The following KRT5 variants were observed in gnomAD, a reference collection of about 807,000 sequenced individuals.
KRT5 encodes keratin 5.
Under a neutral mutation model 44.0 loss-of-function variants are expected in KRT5, and 17 were observed. The observed-to-expected ratio is 0.39, with a 90% confidence interval of 0.26 to 0.58. The LOEUF (loss-of-function observed/expected upper bound fraction) is 0.58, where lower values mean the gene tolerates loss of function less well. KRT5 is among the 20% of genes least tolerant of loss of function. The pLI is 0.61. For synonymous variants in KRT5, 329 were observed against 312.8 expected (o/e 1.05, Z -0.55); for missense variants, 737 against 785.5 (o/e 0.94, Z 0.74).
rs1312895916 is a variant in KRT5 at position 52,516,805 on chromosome 12, G to A, written c.1271C>T (p.Ala424Val). ...IADAEQRGEL[A>V]LKDARNKLAE... Reference sequence around the variant, plus strand: ...CAGCTTGTTCCTGGCATCCTTGAGGGCCAGCTCCCCACGCTGCTCGGCATC... The same window carrying A: ...CAGCTTGTTCCTGGCATCCTTGAGGACCAGCTCCCCACGCTGCTCGGCATC... The change falls in exon 7 of 9, where the codon GCC (alanine) becomes GTC (valine). Residue 424 changes from alanine to valine, a missense_variant. By Grantham distance (64) the Ala-to-Val change is moderately conservative (BLOSUM62 0). Around this residue, in one of 5 missense-constraint regions of KRT5, gnomAD observed 344 missense variants for 351.6 expected, o/e 0.98. Transcript: ENST00000252242. 1.2e-6 allele frequency: 2 copies of A among 1,614,048 alleles called. No homozygotes were observed. Among genetic ancestry groups the A allele is most frequent in the Admixed American group, 1.7e-5 (1 of 59,998 alleles).
At position 52,518,131 on chromosome 12, in the gene KRT5, G is replaced by A; in HGVS notation, c.803C>T (p.Ala268Val). The A allele has an allele frequency of 6.2e-7, 1 of 1,614,220 alleles. No individual in the cohort carries two copies. Among genetic ancestry groups the A allele is most frequent in the South Asian group, 1.1e-5 (1 of 91,090 alleles). The change falls in exon 3 of 9, where the codon GCT becomes GTT. Residue 268 changes from alanine to valine, a missense_variant. Around this residue, in one of 5 missense-constraint regions of KRT5, gnomAD observed 59 missense variants for 62.5 expected, o/e 0.94. Coordinates refer to ENST00000252242, the MANE Select transcript of KRT5 (RefSeq NM_000424.4). The stretch of plus-strand genomic sequence containing the variant: ...CTTCAGCATCACAAACTCATTCTCA[G>A]CAGTGGTACGCTTGTTGATTTCATC... Reference protein sequence around the residue: ...YEDEINKRTTAENEFVMLKKD... With the variant: ...YEDEINKRTTVENEFVMLKKD...
chr12:52,516,289 G>A, intron 7 of KRT5: 1 of 397,128 alleles, frequency 2.5e-6, no homozygotes, highest in South Asian at 2.4e-5. Context: ...CCTTCCTGAA[G>A]GAAGGGGTAC....
At chr12:52,518,458 C>A in intron 2 of KRT5, 1 of 608,916 alleles carries the variant, frequency 1.6e-6, no homozygotes, top group Non-Finnish European at 3.1e-6. Context: ...ATTACCTAGT[C>A]AATTTCTCTA....
chr12:52,515,759 T>C (rs780075629), intron 8 of KRT5, 39 bp downstream of exon 8: 1 of 1,534,996 alleles, frequency 6.5e-7, no homozygotes, highest in South Asian at 1.1e-5. Flanking sequence ...ATATATCCCA[T>C]ATTATTGTCG....
chr12:52,520,093 C>G lies in KRT5; in HGVS notation c.204G>C (p.Leu68=). 6.2e-7 allele frequency: 1 copy of G among 1,614,116 alleles called. No homozygotes were observed. Residue 68 remains leucine (L), a synonymous_variant, in exon 1 of 9, where the codon CTG becomes CTC. Coordinates refer to ENST00000252242, the MANE Select transcript of KRT5 (RefSeq NM_000424.4). ...GGYGSRSLYN[L]GGSKRISIST... ...TGATGGATATCCTCTTGGAGCCCCCCAGGTTGTAGAGGCTCCGGCTGCCAT... is the reference window on the plus strand; with the variant it reads ...TGATGGATATCCTCTTGGAGCCCCCGAGGTTGTAGAGGCTCCGGCTGCCAT...
At chr12:52,517,823 CT>C in intron 4 of KRT5, 69 bp from the exon 5 acceptor site, 1 of 1,610,270 alleles carries the variant, frequency 6.2e-7, no homozygotes, top group Non-Finnish European at 8.5e-7. Flanking sequence ...CCATTCAAAT[CT>C]TTCACTCATT....
At chr12:52,516,295 G>A in intron 7 of KRT5, 4 of 402,488 alleles carry the variant, frequency 9.9e-6, no homozygotes, top group South Asian at 9.2e-5. Context: ...TGAAGGAAGG[G>A]GTACTGGAGG....
rs959019519 is a variant in KRT5, at chr12:52,517,014, G to T, written c.1218+93C>A. Reference sequence around the variant, plus strand: ...AAACACTGGTACTGGATCTAGCTGCGTGTGTTTAGCAAAAGTAAAACAAAA... The same window carrying T: ...AAACACTGGTACTGGATCTAGCTGCTTGTGTTTAGCAAAAGTAAAACAAAA... On this transcript the variant is annotated intron_variant, in intron 6 of 8. Transcript: ENST00000252242. 14 of 1,531,084 alleles carry T rather than the reference G, an allele frequency of 9.1e-6. 1 individual carries two copies. Among genetic ancestry groups the T allele is most frequent in the Non-Finnish European group, 1.3e-5 (14 of 1,106,362 alleles). 94.8% of individuals were successfully genotyped at this position (1,531,084 alleles called of 1,614,324 possible). A position where few individuals can be genotyped will look rare whatever the true frequency, so the allele number is the denominator to read the frequency against.
Position 52,520,393 on chromosome 12 carries a change from T to C in KRT5, c.-97A>G. On this transcript the variant is annotated 5_prime_UTR_variant, in exon 1 of 9. Coordinates refer to ENST00000252242, the MANE Select transcript of KRT5 (RefSeq NM_000424.4). ...CAGCAGGACGCAGAAGGTGGCTCTG[T>C]TACCCAGGAACGGTGATGCCCCCTT... is the stretch of plus-strand genomic sequence containing the variant. 8.4e-7 allele frequency: 1 copy of C among 1,183,442 alleles called. No individual in the cohort carries two copies. Among genetic ancestry groups the C allele is most frequent in the East Asian group, 2.5e-5 (1 of 40,536 alleles). 73.3% of individuals were successfully genotyped at this position (1,183,442 alleles called of 1,614,324 possible).
At chr12:52,516,942 C>T in intron 6 of KRT5, 85 bp from the exon 7 acceptor site, 1 of 1,551,744 alleles carries the variant, frequency 6.4e-7, no homozygotes, top group Admixed American at 1.7e-5. Context: ...ACCAAACTAT[C>T]ATGAATCCCA....
At position 52,520,360 on chromosome 12, in the gene KRT5, A is replaced by G; in HGVS notation, c.-64T>C. On this transcript the variant is annotated 5_prime_UTR_variant, in exon 1 of 9. Transcript: ENST00000252242. ...AGTGGGTTGGGAGGTGCTGGAGAGAACAGAGCTCAGCAGGACGCAGAAGGT... is the reference window on the plus strand; with the variant it reads ...AGTGGGTTGGGAGGTGCTGGAGAGAGCAGAGCTCAGCAGGACGCAGAAGGT... 3 of 1,503,260 alleles carry G rather than the reference A, an allele frequency of 2.0e-6. No individual in the cohort carries two copies. The highest frequency in any genetic ancestry group is 2.8e-6 in the Non-Finnish European group (3 of 1,085,578). 93.1% of individuals were successfully genotyped at this position (1,503,260 alleles called of 1,614,324 possible).
chr12:52,516,378 G>C (rs574451077), intron 7 of KRT5: 2 of 515,072 alleles, frequency 3.9e-6, no homozygotes, highest in Admixed American at 3.1e-5. Context: ...AGCAGAAAAG[G>C]CACAAGTGTC....
Position 52,520,072 on chromosome 12 carries a change from G to A in KRT5, c.225C>T (p.Ser75=), listed in dbSNP as rs1439270080. The change falls in exon 1 of 9, where the codon TCC becomes TCT. Residue 75 remains serine, a synonymous_variant. Coordinates refer to ENST00000252242, the MANE Select transcript of KRT5 (RefSeq NM_000424.4). ...TGAAGCTGCCACCACTAGTGCTGAT[G>A]GATATCCTCTTGGAGCCCCCCAGGT... is the stretch of plus-strand genomic sequence containing the variant. The part of the protein sequence containing the change: ...LYNLGGSKRI[S]ISTSGGSFRN... 5.0e-6 allele frequency: 8 copies of A among 1,614,146 alleles called. No homozygotes were observed. Among genetic ancestry groups the A allele is most frequent in the Non-Finnish European group, 6.8e-6 (8 of 1,180,028 alleles).
At chr12:52,516,540 A>C (rs576858534) in intron 7 of KRT5, 97 bp downstream of exon 7, 16 of 1,186,212 alleles carry the variant, frequency 1.3e-5, no homozygotes, top group Non-Finnish European at 2.0e-5. Context: ...TATCACGCAC[A>C]AGTCACTGAT....
intron 1 of KRT5, 168 bp downstream of exon 1, chr12:52,519,573 CA>C: frequency 1.3e-6 from 1 of 772,338 alleles, no homozygotes. Flanking sequence ...TCCCAGCTGC[CA>C]GTCTAATTCA....
At chr12:52,517,277 G>C (rs371391512) in intron 5 of KRT5, 45 bp from the exon 6 acceptor site, 1 of 1,611,878 alleles carries the variant, frequency 6.2e-7, no homozygotes, top group Admixed American at 1.7e-5. Context: ...ATATGAGAAT[G>C]GGAAGAACTT....
intron 1 of KRT5, 154 bp downstream of exon 1, chr12:52,519,588 C>T (rs1029843145): frequency 5.6e-5 from 48 of 854,640 alleles, no homozygotes; most frequent in Non-Finnish European, 8.0e-5. Flanking sequence ...TAATTCAGAA[C>T]GTGTCCACAA....
At chr12:52,515,340 C>A in intron 8 of KRT5, 100 bp from the exon 9 acceptor site, 1 of 1,523,980 alleles carries the variant, frequency 6.6e-7, no homozygotes, top group Admixed American at 1.7e-5. Context: ...TCTACTGGAC[C>A]CCCTTTACAG....
rs1938698169 is a variant in KRT5 at position 52,520,327 on chromosome 12, C to G, written c.-31G>C. The G allele has an allele frequency of 6.2e-7, 1 of 1,607,286 alleles. No individual in the cohort carries two copies. Among genetic ancestry groups the G allele is most frequent in the Non-Finnish European group, 8.5e-7 (1 of 1,176,296 alleles). The stretch of plus-strand genomic sequence containing the variant: ...CTTGTTCCTGGTGGAGCAAGAGAAC[C>G]AGGCACTAGTGGGTTGGGAGGTGCT... On this transcript the variant is annotated 5_prime_UTR_variant, in exon 1 of 9. Coordinates refer to ENST00000252242, the MANE Select transcript of KRT5 (RefSeq NM_000424.4).
Sources: gnomAD v4.1 joint callset for allele counts on GRCh38, gnomAD v4.1.1 for gene constraint, gnomAD v4.1.1 regional missense constraint, MANE v1.5 for transcripts, NCBI Gene and HGNC (gene_info 2026-07-23, HGNC 2026-07-21) for gene names.